The following GALNT18 variants were observed in gnomAD, a reference collection of about 807,000 sequenced individuals.
GALNT18 encodes GalNAc-transferase 18.
In GALNT18, 44 loss-of-function variants were observed where a neutral mutation model predicts 69.5. The observed-to-expected ratio is 0.63, with a 90% CI of 0.50 to 0.81. The LOEUF is 0.81. GALNT18 is among the 40% of genes least tolerant of loss of function. The pLI is 0.00. For synonymous variants in GALNT18, 364 were observed against 318.2 expected, an observed-to-expected ratio of 1.14 and a Z score of -1.53; for missense variants, 715 against 810.0, an observed-to-expected ratio of 0.88 and a Z score of 1.42.
rs944635160 is a variant in GALNT18, at chr11:11,432,425, C to A, written c.595+196G>T. On this transcript the variant is annotated intron_variant, in intron 3 of 10. Coordinates refer to ENST00000227756, the MANE Select transcript of GALNT18 (RefSeq NM_198516.3). This position sits in a 1 kb window ranked among gnomAD's most constrained non-coding sequence, Gnocchi z 5.8. ...CAGGAGAAAAAGCCTAAGGACCAGA[C>A]CCCTCTGGGATGCAGAGGCCATGCT... 5.3e-5 allele frequency among the ~76,000 whole-genome samples: 8 copies of A among 152,188 alleles called. No homozygotes were observed. The highest frequency in any genetic ancestry group is 1.9e-4 in the African/African-American group (8 of 41,456).
intron 1 of GALNT18, among the ~76,000 whole-genome samples, chr11:11,484,007 C>T (rs923035933): frequency 6.6e-6 from 1 of 152,110 alleles, no homozygotes; most frequent in Non-Finnish European, 1.5e-5. Flanking sequence ...TAACCCCCTC[C>T]CCGGAAGGAC....
intron 6 of GALNT18, among the ~76,000 whole-genome samples, chr11:11,350,091 G>T (rs1004640833): frequency 1.3e-5 from 2 of 152,242 alleles, no homozygotes; most frequent in Non-Finnish European, 2.9e-5. Context: ...TCCAAGGAGA[G>T]ACAAGCTGGG....
At chr11:11,275,289 T>A (rs982345259) in intron 10 of GALNT18, among the ~76,000 whole-genome samples, 1 of 152,378 alleles carries the variant, frequency 6.6e-6, no homozygotes, top group East Asian at 1.9e-4. Flanking sequence ...ATTTCTCTAA[T>A]GACCAGAGAT....
chr11:11,534,111 G>A (rs1249901510), intron 1 of GALNT18, among the ~76,000 whole-genome samples: 1 of 152,214 alleles, frequency 6.6e-6, no homozygotes, highest in Non-Finnish European at 1.5e-5. Context: ...CCAAGGTCAT[G>A]GAAAGTGATG....
intron 9 of GALNT18, among the ~76,000 whole-genome samples, chr11:11,311,557 G>A (rs1306503537): frequency 1.3e-5 from 2 of 152,146 alleles, no homozygotes; most frequent in Non-Finnish European, 2.9e-5. Context: ...CAAATGGAAA[G>A]GCAGGTCAGC....
rs934156440 is a variant in GALNT18, at chr11:11,377,436, G to A, written c.780-57C>T. 9.6e-5 allele frequency: 144 copies of A among 1,503,316 alleles called. No homozygotes were observed. Among genetic ancestry groups the A allele is most frequent in the Middle Eastern group, 2.2e-4 (1 of 4,480 alleles). The allele number at this position is 1,503,316 out of a possible 1,614,324, so 93.1% of individuals were successfully genotyped here. A position where few individuals can be genotyped will look rare whatever the true frequency, so the allele number is the denominator to read the frequency against. On this transcript the variant is annotated intron_variant, in intron 4 of 10. Transcript: ENST00000227756. This position sits in a 1 kb window ranked among gnomAD's most constrained non-coding sequence, Gnocchi z 4.6. ...ACCATTTCCAAGGTGGAAAAATCCA[G>A]AGTAGCATCTCCTGAAGGTCCTTCC...
Position 11,577,477 on chromosome 11 carries a change from T to C in GALNT18, c.235+43882A>G, listed in dbSNP as rs1858954426. On this transcript the variant is annotated intron_variant, in intron 1 of 10. Coordinates refer to ENST00000227756, the MANE Select transcript of GALNT18 (RefSeq NM_198516.3). ...CACTGTGTGCCAGAAAGGAAGCCAC[T>C]CACACACTGCATAGTGCAAAAACCC... Among the ~76,000 whole-genome samples the C allele has an allele frequency of 3.3e-5, 5 of 152,304 alleles. No homozygotes were observed. In the South Asian group the frequency reaches 1.0e-3, roughly 32 times the overall value.
At chr11:11,466,304 C>A (rs1051404956) in intron 1 of GALNT18, among the ~76,000 whole-genome samples, 1 of 152,190 alleles carries the variant, frequency 6.6e-6, no homozygotes, top group Non-Finnish European at 1.5e-5. Context: ...ATATTGAAAT[C>A]CCTACCCTCC....
rs548451357 is a variant in GALNT18, at chr11:11,408,223, G to A, written c.595+24398C>T. On this transcript the variant is annotated intron_variant, in intron 3 of 10. Coordinates refer to ENST00000227756, the MANE Select transcript of GALNT18 (RefSeq NM_198516.3). ...CTACTAATAAATACAAAAATTAGCC[G>A]GGTTTGGGGTCGGGCGCCTGTACAA... is the stretch of plus-strand genomic sequence containing the variant. Among the ~76,000 whole-genome samples, 12 of 152,088 alleles carry A rather than the reference G, an allele frequency of 7.9e-5. No individual in the cohort carries two copies. The South Asian group carries it at 1.9e-3, about 24-fold the overall frequency.
intron 6 of GALNT18, among the ~76,000 whole-genome samples, chr11:11,362,035 G>T (rs1850655869): frequency 6.6e-6 from 1 of 152,134 alleles, no homozygotes; most frequent in South Asian, 2.1e-4. Context: ...AAAGTATGTG[G>T]CAATTTATTG....
At chr11:11,330,411 C>T (rs1484886691) in intron 8 of GALNT18, among the ~76,000 whole-genome samples, 2 of 152,212 alleles carry the variant, frequency 1.3e-5, no homozygotes, top group African/African-American at 4.8e-5. Flanking sequence ...CATCTTCAGC[C>T]AGTTGCCCCC....
chr11:11,272,163 C>T (rs940863384), intron 10 of GALNT18, among the ~76,000 whole-genome samples: 2 of 152,136 alleles, frequency 1.3e-5, no homozygotes, highest in African/African-American at 4.8e-5. Context: ...CTCACTTTTT[C>T]CCCCAGAACC....
intron 1 of GALNT18, among the ~76,000 whole-genome samples, chr11:11,531,453 C>A (rs890449398): frequency 6.6e-6 from 1 of 152,338 alleles, no homozygotes; most frequent in South Asian, 2.1e-4. Context: ...CGAGTGCATA[C>A]GCATCGGGCT....
rs1857903326 is a variant in GALNT18, at chr11:11,540,891, A to G, written c.235+80468T>C. Among the ~76,000 whole-genome samples, 1 of 152,190 alleles carries G rather than the reference A, an allele frequency of 6.6e-6. No homozygotes were observed. The highest frequency in any genetic ancestry group is 6.5e-5 in the Admixed American group (1 of 15,288). On this transcript the variant is annotated intron_variant, in intron 1 of 10. Coordinates refer to ENST00000227756, the MANE Select transcript of GALNT18 (RefSeq NM_198516.3). The surrounding 1 kb of genome is among the most constrained non-coding windows in gnomAD (Gnocchi z 4.6). ...TCAGACACTGGGTTGTCAGAAGGAA[A>G]ATGGGTTAGAAAATCCTCCCAGCCT... is the stretch of plus-strand genomic sequence containing the variant.
At position 11,602,848 on chromosome 11, in the gene GALNT18, A is replaced by C. The variant is rs1422909541; in HGVS notation, c.235+18511T>G. Among the ~76,000 whole-genome samples the C allele has an allele frequency of 6.6e-6, 1 of 152,208 alleles. No homozygotes were observed. Among genetic ancestry groups the C allele is most frequent in the Non-Finnish European group, 1.5e-5 (1 of 68,032 alleles). On this transcript the variant is annotated intron_variant, in intron 1 of 10. Coordinates refer to ENST00000227756, the MANE Select transcript of GALNT18 (RefSeq NM_198516.3). This position sits in a 1 kb window ranked among gnomAD's most constrained non-coding sequence, Gnocchi z 4.7. The stretch of plus-strand genomic sequence containing the variant: ...CACTTTGACCATATTTTCTGAATTA[A>C]AAATAAGGGTGTATGGTCTGGCAAG...
rs1590027305 is a variant in GALNT18 at position 11,309,353 on chromosome 11, C to T, written c.1513-16160G>A. On this transcript the variant is annotated intron_variant, in intron 9 of 10. Transcript: ENST00000227756. The surrounding 1 kb of genome is among the most constrained non-coding windows in gnomAD (Gnocchi z 4.6). The stretch of plus-strand genomic sequence containing the variant: ...GACACACCTATTAATCTTGATTACC[C>T]ACTCTCTTACTTCCCAATGCCTGCT... Among the ~76,000 whole-genome samples the T allele has an allele frequency of 6.6e-6, 1 of 152,106 alleles. No individual in the cohort carries two copies. The highest frequency in any genetic ancestry group is 2.4e-5 in the African/African-American group (1 of 41,410).
intron 9 of GALNT18, among the ~76,000 whole-genome samples, chr11:11,312,239 A>G (rs11021783): frequency 0.44 from 66,177 of 151,708 alleles, 14,488 homozygotes; most frequent in Admixed American, 0.48. Flanking sequence ...GTGAGCCACC[A>G]CGCCCGGCCC....
chr11:11,527,737 G>T (rs896970802), intron 1 of GALNT18, among the ~76,000 whole-genome samples: 1 of 152,090 alleles, frequency 6.6e-6, no homozygotes, highest in African/African-American at 2.4e-5. Flanking sequence ...CCTCAGTCTT[G>T]AAGAGCCCAT....
chr11:11,456,957 G>A (rs1855937769), intron 1 of GALNT18, among the ~76,000 whole-genome samples: 1 of 152,172 alleles, frequency 6.6e-6, no homozygotes, highest in African/African-American at 2.4e-5. Context: ...GTGGGAAGTG[G>A]GGCAGGAAAT....
Sources: gnomAD v4.1 joint callset for allele counts (sites outside exome capture counted in the v4.1 genomes callset) on GRCh38, gnomAD v4.1.1 for gene constraint, Gnocchi (gnomAD v3.1) non-coding constraint, MANE v1.5 for transcripts, NCBI Gene and HGNC (gene_info 2026-07-23, HGNC 2026-07-21) for gene names.